The following SIPA1L1 variants were observed in gnomAD, a reference collection of about 807,000 sequenced individuals.
The protein encoded by SIPA1L1 is signal induced proliferation associated 1 like 1.
In SIPA1L1, 26 loss-of-function variants were observed where a neutral mutation model predicts 162.7. That is an observed-to-expected ratio of 0.16 (90% confidence interval 0.12 to 0.22). The LOEUF is 0.22. SIPA1L1 is among the 10% of genes least tolerant of loss of function. The pLI, the probability that SIPA1L1 is intolerant of heterozygous loss-of-function variation, is 1.00. For missense variants in SIPA1L1, 1,874 were observed against 2,241.0 expected (o/e 0.84, Z 3.31); for synonymous variants, 829 against 837.4 (o/e 0.99, Z 0.17).
chr14:71,490,583 T>G (rs2049163113), intron 2 of SIPA1L1, among the ~76,000 whole-genome samples: 1 of 152,212 alleles, frequency 6.6e-6, no homozygotes, highest in East Asian at 1.9e-4. Flanking sequence ...TTGATGTGTT[T>G]CCAACAGAGG....
chr14:71,344,160 G>A (rs749178716), intron 2 of SIPA1L1, among the ~76,000 whole-genome samples: 12 of 152,080 alleles, frequency 7.9e-5, no homozygotes, highest in Non-Finnish European at 1.5e-4. Flanking sequence ...CCTCATTTTT[G>A]TAGTTCAGAT....
intron 17 of SIPA1L1, among the ~76,000 whole-genome samples, chr14:71,711,547 A>G (rs1012418753): frequency 1.3e-5 from 2 of 152,198 alleles, no homozygotes; most frequent in African/African-American, 4.8e-5. Context: ...GTGATGGCAG[A>G]AGAAAGTTGG....
intron 19 of SIPA1L1, among the ~76,000 whole-genome samples, chr14:71,727,353 C>T (rs1355705930): frequency 2.0e-5 from 3 of 151,972 alleles, no homozygotes; most frequent in Non-Finnish European, 2.9e-5. Flanking sequence ...AAAACGCCAC[C>T]TCTCCAGGCC....
Position 71,650,527 on chromosome 14 carries a change from C to G in SIPA1L1, c.1993+18C>G. The G allele has an allele frequency of 6.2e-7, 1 of 1,610,862 alleles. No homozygotes were observed. Among genetic ancestry groups the G allele is most frequent in the Non-Finnish European group, 8.5e-7 (1 of 1,177,396 alleles). On this transcript the variant is annotated intron_variant, in intron 8 of 23. Transcript: ENST00000381232. ...TACCAAAAGTAAGAAATACTTACACCCTCCTACTAGGCTTATTTTCCCCCT... is the reference window on the plus strand; with the variant it reads ...TACCAAAAGTAAGAAATACTTACACGCTCCTACTAGGCTTATTTTCCCCCT...
chr14:71,609,438 T>TTTTA (rs57449706), intron 5 of SIPA1L1, among the ~76,000 whole-genome samples: 8,196 of 140,140 alleles, frequency 0.058, 292 homozygotes, highest in African/African-American at 0.071. Flanking sequence ...CCAGCTAATA[T>TTTTA]TTTATTTATT....
chr14:71,403,001 A>G (rs1265759331), intron 2 of SIPA1L1, among the ~76,000 whole-genome samples: 1 of 152,122 alleles, frequency 6.6e-6, no homozygotes, highest in East Asian at 1.9e-4. Context: ...ACATGTAAAG[A>G]TGCACGTTTT....
chr14:71,390,715 A>G (rs2040675877), intron 2 of SIPA1L1, among the ~76,000 whole-genome samples: 1 of 152,046 alleles, frequency 6.6e-6, no homozygotes, highest in African/African-American at 2.4e-5. Flanking sequence ...AGCCCGGGAG[A>G]TGGAGGTTGC....
chr14:71,322,988 A>G (rs151326185), intron 2 of SIPA1L1, among the ~76,000 whole-genome samples: 586 of 152,234 alleles, frequency 3.8e-3, no homozygotes, highest in Middle Eastern at 0.01. Context: ...GTTGACTTCA[A>G]CTCCAGGTAA....
At chr14:71,362,283 GT>G (rs1456320560) in intron 2 of SIPA1L1, among the ~76,000 whole-genome samples, 2 of 152,180 alleles carry the variant, frequency 1.3e-5, no homozygotes, top group African/African-American at 2.4e-5. Flanking sequence ...TGGATTTGAA[GT>G]TTTAAAAAAT....
chr14:71,624,054 A>T lies in SIPA1L1; in HGVS notation c.1636A>T (p.Thr546Ser), dbSNP rs773419997. ...GCACCTGTCTCTCTTGCAGCTCATG[A>T]CACTGAGAGGTTCGGTCCTGGAGGA... The part of the protein sequence containing the change: ...RIIFRTSELM[T>S]LRGSVLEDAI... Residue 546 changes from threonine (T) to serine (S), a missense_variant, in exon 7 of 24, where the codon ACA becomes TCA. Physicochemically the swap from Thr to Ser is moderately conservative, Grantham distance 58. Coordinates refer to ENST00000381232, the MANE Select transcript of SIPA1L1 (RefSeq NM_001386936.1). 2 of 1,603,394 alleles carry T rather than the reference A, an allele frequency of 1.2e-6. No homozygotes were observed. The highest frequency in any genetic ancestry group is 1.7e-6 in the Non-Finnish European group (2 of 1,174,220).
At chr14:71,548,140 A>G (rs2055419549) in intron 4 of SIPA1L1, among the ~76,000 whole-genome samples, 1 of 152,252 alleles carries the variant, frequency 6.6e-6, no homozygotes, top group South Asian at 2.1e-4. Flanking sequence ...TAGTGATTTC[A>G]TTGGAATGAA....
intron 5 of SIPA1L1, among the ~76,000 whole-genome samples, chr14:71,596,558 C>T (rs1175993467): frequency 2.0e-5 from 3 of 152,142 alleles, no homozygotes. Flanking sequence ...AATAACTGCA[C>T]ATTTATTCAC....
intron 7 of SIPA1L1, 24 bp downstream of exon 7, chr14:71,624,260 G>A: frequency 6.3e-7 from 1 of 1,583,646 alleles, no homozygotes; most frequent in East Asian, 2.3e-5. Flanking sequence ...TCTGAGGAGA[G>A]CATTCTTGCT....
At chr14:71,726,928 G>A (rs2084293770) in intron 19 of SIPA1L1, among the ~76,000 whole-genome samples, 1 of 152,076 alleles carries the variant, frequency 6.6e-6, no homozygotes, top group African/African-American at 2.4e-5. Context: ...CAGGCTTCAG[G>A]ATACTAGGTG....
intron 7 of SIPA1L1, among the ~76,000 whole-genome samples, chr14:71,632,684 C>T (rs560541958): frequency 2.8e-4 from 42 of 152,196 alleles, no homozygotes; most frequent in African/African-American, 8.4e-4. Context: ...GTGAAAGCCA[C>T]GTGGGGAGTA....
chr14:71,382,432 G>A (rs2039979899), intron 2 of SIPA1L1, among the ~76,000 whole-genome samples: 1 of 152,152 alleles, frequency 6.6e-6, no homozygotes, highest in Non-Finnish European at 1.5e-5. Flanking sequence ...TTGTAAATAC[G>A]TAACAGAAAG....
chr14:71,545,813 A>G (rs180688752), intron 4 of SIPA1L1, among the ~76,000 whole-genome samples: 10 of 152,218 alleles, frequency 6.6e-5, no homozygotes, highest in Non-Finnish European at 1.2e-4. Context: ...GTTAAGTCTC[A>G]TATTTGGCTG....
At chr14:71,638,286 T>G (rs2041363416) in intron 7 of SIPA1L1, among the ~76,000 whole-genome samples, 1 of 151,884 alleles carries the variant, frequency 6.6e-6, no homozygotes, top group African/African-American at 2.4e-5. Flanking sequence ...ACATGTAAAA[T>G]TCCTTGAAAA....
intron 2 of SIPA1L1, among the ~76,000 whole-genome samples, chr14:71,479,371 A>G (rs868822167): frequency 6.6e-6 from 1 of 151,202 alleles, no homozygotes; most frequent in Non-Finnish European, 1.5e-5. Context: ...GTATGTATGT[A>G]TGTGTGTATA....
Sources: allele counts gnomAD v4.1 joint callset (sites outside exome capture counted in the v4.1 genomes callset), GRCh38; gene constraint gnomAD v4.1.1; transcripts MANE v1.5; gene names NCBI Gene and HGNC (gene_info 2026-07-23, HGNC 2026-07-21).